The following ADAM28 variants were observed in gnomAD, a reference collection of about 807,000 sequenced individuals.
The protein encoded by ADAM28 is disintegrin and metalloproteinase domain-containing protein 28.
In ADAM28, 105 loss-of-function variants were observed where a neutral mutation model predicts 101.2. The ratio of observed to expected loss-of-function variants is 1.04; its 90% CI spans 0.89 to 1.22. The LOEUF (loss-of-function observed/expected upper bound fraction) is 1.22. Ranked by LOEUF, ADAM28 falls within the 50% of genes most tolerant of loss-of-function variation. The pLI is 0.00. For missense variants in ADAM28, 1,028 were observed against 945.4 expected (o/e 1.09, Z -1.15); for synonymous variants, 322 against 310.6 (o/e 1.04, Z -0.39).
At chr8:24,350,460 T>C (rs1325682640) in intron 19 of ADAM28, among the ~76,000 whole-genome samples, 2 of 151,968 alleles carry the variant, frequency 1.3e-5, no homozygotes, top group African/African-American at 2.4e-5. Flanking sequence ...TACATGCACA[T>C]ACCACCACAC....
intron 14 of ADAM28, 111 bp downstream of exon 14, chr8:24,335,752 G>A (rs920111780): frequency 1.0e-5 from 13 of 1,275,060 alleles, no homozygotes; most frequent in East Asian, 6.1e-5. Flanking sequence ...TAGAAGCTTT[G>A]AACTCAAAAT....
In ADAM28 at chr8:24,354,226, C is replaced by A. The variant is rs6557730; in HGVS notation, c.2308-158C>A. Among the ~76,000 whole-genome samples, 148,952 of 152,106 alleles carry A rather than the reference C, an allele frequency of 0.98. 72,985 individuals carry two copies. The highest frequency in any genetic ancestry group is 1 in the East Asian group (5,175 of 5,182). On this transcript the variant is annotated intron_variant, in intron 22 of 22. Transcript: ENST00000265769. ...GTGTTTTTCTCACTCCCTTCCTATCCTCTCACATTTCTACTTCTTCGTTTT... is the reference window on the plus strand; with the variant it reads ...GTGTTTTTCTCACTCCCTTCCTATCATCTCACATTTCTACTTCTTCGTTTT...
intron 9 of ADAM28, 60 bp downstream of exon 9, chr8:24,324,063 C>T (rs1163903449): frequency 1.9e-6 from 3 of 1,544,838 alleles, no homozygotes; most frequent in Non-Finnish European, 2.6e-6. Flanking sequence ...CTTTTCTGAG[C>T]CTTGGCAAAG....
Position 24,320,324 on chromosome 8 carries a change from A to T in ADAM28, c.648+17A>T. On this transcript the variant is annotated intron_variant, in intron 7 of 22. Transcript: ENST00000265769. Reference sequence around the variant, plus strand: ...AATGGTGAGGTAATTATATGAGATAAATGTGCTGTCTTCCAAAACTCCCAC... The same window carrying T: ...AATGGTGAGGTAATTATATGAGATATATGTGCTGTCTTCCAAAACTCCCAC... 1 of 1,533,398 alleles carries T rather than the reference A, an allele frequency of 6.5e-7. No individual in the cohort carries two copies. The highest frequency in any genetic ancestry group is 9.0e-7 in the Non-Finnish European group (1 of 1,116,770). The allele number at this position is 1,533,398 out of a possible 1,614,324, so 95.0% of individuals were successfully genotyped here.
In ADAM28 at chr8:24,326,425, A is replaced by G. The variant is rs1009180127; in HGVS notation, c.891-129A>G. 1.2e-5 allele frequency: 10 copies of G among 828,920 alleles called. No homozygotes were observed. The Admixed American group carries it at 2.2e-4, about 18-fold the overall frequency. 51.3% of individuals were successfully genotyped at this position (828,920 alleles called of 1,614,324 possible). On this transcript the variant is annotated intron_variant, in intron 9 of 22. Coordinates refer to ENST00000265769, the MANE Select transcript of ADAM28 (RefSeq NM_014265.6). ...AATGCCTTATGCAAATTCAAAAACT[A>G]AAGAAAAATATGACAGTGATGGTTC... is the stretch of plus-strand genomic sequence containing the variant.
At position 24,356,434 on chromosome 8, in the gene ADAM28, T is replaced by A. The variant is rs1168004385; in HGVS notation, c.*2030T>A. On this transcript the variant is annotated 3_prime_UTR_variant, in exon 23 of 23. Coordinates refer to ENST00000265769, the MANE Select transcript of ADAM28 (RefSeq NM_014265.6). ...ATACACTCTCAAAAGCAGTGGCATGTGAACATGCCTGCAAGTTCCTAAATG... is the reference window on the plus strand; with the variant it reads ...ATACACTCTCAAAAGCAGTGGCATGAGAACATGCCTGCAAGTTCCTAAATG... 1 of 152,220 alleles carries A rather than the reference T, an allele frequency of 6.6e-6. No individual in the cohort carries two copies. Among genetic ancestry groups the A allele is most frequent in the East Asian group, 1.9e-4 (1 of 5,196 alleles). The allele number at this position is 152,220 out of a possible 1,614,324, so 9.4% of individuals were successfully genotyped here.
At chr8:24,305,695 T>TA (rs1281574299) in intron 2 of ADAM28, among the ~76,000 whole-genome samples, 2 of 152,162 alleles carry the variant, frequency 1.3e-5, no homozygotes, top group Non-Finnish European at 2.9e-5. Context: ...AATGTTCCTT[T>TA]AAATGGAAAA....
chr8:24,297,028 T>A (rs961474045), intron 1 of ADAM28, among the ~76,000 whole-genome samples: 2 of 152,182 alleles, frequency 1.3e-5, no homozygotes, highest in African/African-American at 4.8e-5. Flanking sequence ...TAAGAGCCTT[T>A]AAGAGAAATT....
intron 1 of ADAM28, 102 bp from the exon 2 acceptor site, chr8:24,299,872 T>G: frequency 1.3e-6 from 1 of 792,304 alleles, no homozygotes; most frequent in African/African-American, 1.7e-5. Context: ...TTCAGGCTTC[T>G]GTGTGTGGCA....
intron 15 of ADAM28, among the ~76,000 whole-genome samples, chr8:24,339,856 C>A (rs980801083): frequency 5.9e-5 from 9 of 152,072 alleles, no homozygotes; most frequent in Admixed American, 2.6e-4. Flanking sequence ...GAACATGCCA[C>A]AAAGAATGGG....
intron 22 of ADAM28, 124 bp from the exon 23 acceptor site, chr8:24,354,260 C>A: frequency 1.2e-6 from 1 of 824,726 alleles, no homozygotes; most frequent in Non-Finnish European, 1.9e-6. Context: ...TTTGCTGTAT[C>A]AAGTGACCTA....
At chr8:24,311,623 G>A (rs964055738) in intron 5 of ADAM28, among the ~76,000 whole-genome samples, 186 bp downstream of exon 5, 3 of 152,054 alleles carry the variant, frequency 2.0e-5, no homozygotes, top group Non-Finnish European at 2.9e-5. Context: ...TTACATATCC[G>A]AATTGCTTTC....
chr8:24,322,327 G>A (rs952648877), intron 8 of ADAM28, among the ~76,000 whole-genome samples: 6 of 151,928 alleles, frequency 3.9e-5, no homozygotes, highest in African/African-American at 1.4e-4. Flanking sequence ...GACTAGGTGA[G>A]GCGATAAGCC....
At chr8:24,308,025 C>A (rs1441676800) in intron 2 of ADAM28, among the ~76,000 whole-genome samples, 11 of 152,190 alleles carry the variant, frequency 7.2e-5, no homozygotes, top group Admixed American at 7.2e-4. Flanking sequence ...AGATTTGCTC[C>A]ATCCCAGAAA....
rs140212459 is a variant in ADAM28, at chr8:24,330,067, A to C, written c.1055A>C (p.Tyr352Ser). 8.0e-4 allele frequency: 1,295 copies of C among 1,613,678 alleles called. 2 individuals are homozygous for C. Among genetic ancestry groups the C allele is most frequent in the Non-Finnish European group, 9.5e-4 (1,124 of 1,179,766 alleles). ...AACTTTGGAATGTTTCATGACGACT[A>C]TTCTTGCAAGTGTCCTTCTACAATA... ...GHNFGMFHDD[Y>S]SCKCPSTICV... The change falls in exon 11 of 23, where the codon TAT becomes TCT. Residue 352 changes from tyrosine (Y) to serine (S), a missense_variant. By Grantham distance (144) the Tyr-to-Ser change is moderately radical. Transcript: ENST00000265769.
In ADAM28 at chr8:24,353,761, T is replaced by C. The variant is rs1816447049; in HGVS notation, c.2245-9T>C. 1 of 1,453,668 alleles carries C rather than the reference T, an allele frequency of 6.9e-7. No homozygotes were observed. The highest frequency in any genetic ancestry group is 9.7e-7 in the Non-Finnish European group (1 of 1,034,898). 90.0% of individuals were successfully genotyped at this position (1,453,668 alleles called of 1,614,324 possible). A position where few individuals can be genotyped will look rare whatever the true frequency, so the allele number is the denominator to read the frequency against. On this transcript the variant is annotated splice_polypyrimidine_tract_variant and intron_variant, in intron 21 of 22. Coordinates refer to ENST00000265769, the MANE Select transcript of ADAM28 (RefSeq NM_014265.6). ...TAATGCCATACCATTGTTTTTATAA[T>C]TAACGTAGCATAAAGACACAAACGC...
In ADAM28 at chr8:24,355,948, C is replaced by G. The variant is rs1413161745; in HGVS notation, c.*1544C>G. ...TTGTATTTGTCTGCTTCACCCATTT[C>G]TATCAATCACTTACCTGGTCCCCAC... On this transcript the variant is annotated 3_prime_UTR_variant, in exon 23 of 23. Transcript: ENST00000265769. The G allele has an allele frequency of 1.3e-5, 2 of 152,128 alleles. No individual in the cohort carries two copies. Among genetic ancestry groups the G allele is most frequent in the African/African-American group, 4.8e-5 (2 of 41,428 alleles). 9.4% of individuals were successfully genotyped at this position (152,128 alleles called of 1,614,324 possible).
At chr8:24,306,386 T>C (rs12675928) in intron 2 of ADAM28, among the ~76,000 whole-genome samples, 1 of 108,992 alleles carries the variant, frequency 9.2e-6, no homozygotes, top group South Asian at 2.7e-4. Context: ...ATATATATAT[T>C]TAAAAATATA....
chr8:24,348,326 G>C (rs1003377045), intron 18 of ADAM28, among the ~76,000 whole-genome samples: 1 of 152,068 alleles, frequency 6.6e-6, no homozygotes, highest in Non-Finnish European at 1.5e-5. Context: ...TCCCACTCCT[G>C]AACAGCTTCC....
Sources: gnomAD v4.1 joint callset for allele counts (sites outside exome capture counted in the v4.1 genomes callset) on GRCh38, gnomAD v4.1.1 for gene constraint, MANE v1.5 for transcripts, NCBI Gene and HGNC (gene_info 2026-07-23, HGNC 2026-07-21) for gene names.